Variants in TNIK observed in about 807,000 individuals in gnomAD.
TNIK encodes the protein TRAF2 and NCK-interacting protein kinase.
A neutral mutation model predicts 191.3 loss-of-function variants in TNIK; 49 were observed. The ratio of observed to expected loss-of-function variants is 0.26; its 90% CI spans 0.20 to 0.32. The LOEUF is 0.32. Among genes scored for constraint, TNIK ranks in the 10% least tolerant of loss-of-function variants. The probability of loss-of-function intolerance (pLI) is 1.00; values close to 1 mark genes in which losing one functional copy is unlikely to be tolerated. For missense variants in TNIK, 1,155 were observed against 1,702.3 expected (o/e 0.68, Z 5.66); for synonymous variants, 594 against 600.9 (o/e 0.99, Z 0.17).
chr3:171,213,870 A>G (rs1202606941), intron 3 of TNIK, among the ~76,000 whole-genome samples: 6 of 152,140 alleles, frequency 3.9e-5, no homozygotes, highest in Non-Finnish European at 8.8e-5. Context: ...TAAAGATATT[A>G]TAAGTCCCAG....
intron 2 of TNIK, among the ~76,000 whole-genome samples, chr3:171,289,858 C>T (rs1291127153): frequency 1.3e-5 from 2 of 149,504 alleles, no homozygotes; most frequent in East Asian, 2.0e-4. Context: ...GCCGACATGG[C>T]GCCACTGCAC....
At chr3:171,167,771 G>A (rs1229505904) in intron 9 of TNIK, among the ~76,000 whole-genome samples, 1 of 152,194 alleles carries the variant, frequency 6.6e-6, no homozygotes, top group Non-Finnish European at 1.5e-5. Context: ...CAAGCTGGAG[G>A]AAAGTAAAAC....
At chr3:171,280,257 C>T (rs1750273536) in intron 2 of TNIK, among the ~76,000 whole-genome samples, 1 of 152,176 alleles carries the variant, frequency 6.6e-6, no homozygotes, top group African/African-American at 2.4e-5. Context: ...TTGACTGAGA[C>T]TCAACAGTTC....
intron 21 of TNIK, among the ~76,000 whole-genome samples, chr3:171,106,031 T>G (rs958917856): frequency 6.6e-6 from 1 of 152,190 alleles, no homozygotes; most frequent in Non-Finnish European, 1.5e-5. Flanking sequence ...CTCATTCTTT[T>G]ATAAGCAACA....
intron 1 of TNIK, among the ~76,000 whole-genome samples, chr3:171,413,454 T>C (rs1356392696): frequency 6.6e-6 from 1 of 152,168 alleles, no homozygotes; most frequent in Non-Finnish European, 1.5e-5. Flanking sequence ...TCCCTGAACA[T>C]AAACATCTTG....
chr3:171,247,268 A>G (rs1577240232), intron 2 of TNIK, among the ~76,000 whole-genome samples: 2 of 152,204 alleles, frequency 1.3e-5, no homozygotes, highest in Non-Finnish European at 2.9e-5. Context: ...TCCTCTACCA[A>G]GATTTGGAGA....
At chr3:171,146,121 C>G (rs1203044487) in intron 12 of TNIK, among the ~76,000 whole-genome samples, 1 of 152,320 alleles carries the variant, frequency 6.6e-6, no homozygotes. Context: ...TCTCATGTGT[C>G]AGGCCTCAGA....
At chr3:171,338,879 C>T (rs767020870) in intron 2 of TNIK, among the ~76,000 whole-genome samples, 5 of 152,102 alleles carry the variant, frequency 3.3e-5, no homozygotes, top group Non-Finnish European at 5.9e-5. Flanking sequence ...GCCCAATTTA[C>T]AGGTGAGGAA....
In TNIK at chr3:171,084,142, A is replaced by G. The variant is rs1344200703; in HGVS notation, c.3169+13T>C. The G allele has an allele frequency of 2.1e-5, 32 of 1,516,740 alleles. No individual in the cohort carries two copies. The highest frequency in any genetic ancestry group is 2.8e-5 in the African/African-American group (2 of 70,452). 94.0% of individuals were successfully genotyped at this position (1,516,740 alleles called of 1,614,324 possible). The stretch of plus-strand genomic sequence containing the variant: ...GTTATTTAAAAAAAAAAAAAAAAAA[A>G]GCACCAACATACCCCACAGAGCTGC... On this transcript the variant is annotated intron_variant, in intron 26 of 32. Coordinates refer to ENST00000436636, the MANE Select transcript of TNIK (RefSeq NM_015028.4).
intron 1 of TNIK, among the ~76,000 whole-genome samples, chr3:171,453,474 G>C (rs1181735989): frequency 2.6e-5 from 4 of 152,024 alleles, no homozygotes; most frequent in Non-Finnish European, 2.9e-5. Context: ...TGGGGGAGTG[G>C]TCGTCAAAAC....
chr3:171,137,968 C>CAAA (rs58897378), intron 15 of TNIK, among the ~76,000 whole-genome samples: 1 of 119,568 alleles, frequency 8.4e-6, no homozygotes, highest in East Asian at 2.6e-4. Context: ...CAAAGATATA[C>CAAA]AAAAAAAAAA....
intron 2 of TNIK, among the ~76,000 whole-genome samples, chr3:171,365,717 C>T (rs1475444913): frequency 6.6e-6 from 1 of 152,134 alleles, no homozygotes; most frequent in South Asian, 2.1e-4. Flanking sequence ...AGAATGAGGA[C>T]TATGAAGACT....
intron 12 of TNIK, among the ~76,000 whole-genome samples, chr3:171,142,521 C>T (rs988841311): frequency 5.9e-5 from 9 of 152,184 alleles, no homozygotes; most frequent in African/African-American, 1.9e-4. Flanking sequence ...GATTTGGTGA[C>T]GACAGGTTGT....
Position 171,319,013 on chromosome 3 carries a change from T to A in TNIK, c.123+50607A>T, listed in dbSNP as rs144174484. Among the ~76,000 whole-genome samples the A allele has an allele frequency of 3.4e-3, 511 of 151,974 alleles. 3 individuals are homozygous for A. The highest frequency in any genetic ancestry group is 0.012 in the African/African-American group (489 of 41,478). On this transcript the variant is annotated intron_variant, in intron 2 of 32. Coordinates refer to ENST00000436636, the MANE Select transcript of TNIK (RefSeq NM_015028.4). The stretch of plus-strand genomic sequence containing the variant: ...GACCCTGTCTACATAAAACTTAAAA[T>A]ACATAAATAAAAAAAATGTAGCTGG...
intron 2 of TNIK, among the ~76,000 whole-genome samples, chr3:171,292,718 G>A (rs1049241061): frequency 7.0e-6 from 1 of 142,094 alleles, no homozygotes; most frequent in Admixed American, 7.6e-5. Flanking sequence ...GGAGCTTGCA[G>A]TGAGCCAAGA....
At chr3:171,280,950 T>G (rs991164709) in intron 2 of TNIK, among the ~76,000 whole-genome samples, 1 of 152,160 alleles carries the variant, frequency 6.6e-6, no homozygotes, top group Non-Finnish European at 1.5e-5. Flanking sequence ...TCTAGAACAC[T>G]CAGTAAAGCA....
At chr3:171,449,071 AG>A (rs1727864291) in intron 1 of TNIK, among the ~76,000 whole-genome samples, 1 of 152,044 alleles carries the variant, frequency 6.6e-6, no homozygotes, top group African/African-American at 2.4e-5. Flanking sequence ...GTCCCTGCAA[AG>A]GACATGAACT....
chr3:171,378,573 C>T (rs531317459), intron 1 of TNIK, among the ~76,000 whole-genome samples: 4 of 152,212 alleles, frequency 2.6e-5, no homozygotes, highest in Admixed American at 6.5e-5. Context: ...TTGGTTTTGT[C>T]CACTGCAGTA....
chr3:171,376,846 T>C (rs1717330557), intron 1 of TNIK, among the ~76,000 whole-genome samples: 1 of 152,062 alleles, frequency 6.6e-6, no homozygotes, highest in South Asian at 2.1e-4. Context: ...TTTTTCTTAC[T>C]TGATCATCAG....
Sources: gnomAD v4.1 joint callset for allele counts (sites outside exome capture counted in the v4.1 genomes callset) on GRCh38, gnomAD v4.1.1 for gene constraint, MANE v1.5 for transcripts, NCBI Gene and HGNC (gene_info 2026-07-23, HGNC 2026-07-21) for gene names.